The following CCSER2 variants were observed in gnomAD, a reference collection of about 807,000 sequenced individuals.
The protein encoded by CCSER2 is coiled-coil serine rich protein 2.
CCSER2 carries 46 observed loss-of-function variants against 92.3 expected under a neutral mutation model. The observed-to-expected ratio is 0.50, with a 90% CI of 0.39 to 0.64. The LOEUF is 0.64. Ranked by LOEUF, CCSER2 falls within the 30% of genes least tolerant of loss-of-function variation. The pLI is 0.00. For synonymous variants in CCSER2, 433 were observed against 431.4 expected, an observed-to-expected ratio of 1.00 and a Z score of -0.04; for missense variants, 1,244 against 1,238.9, an observed-to-expected ratio of 1.00 and a Z score of -0.06.
chr10:84,506,825 A>C (rs1039957837), intron 9 of CCSER2, among the ~76,000 whole-genome samples: 1 of 151,880 alleles, frequency 6.6e-6, no homozygotes, highest in Admixed American at 6.6e-5. Flanking sequence ...ATAAATAAAT[A>C]AATCTAACAC....
intron 5 of CCSER2, among the ~76,000 whole-genome samples, chr10:84,427,580 T>C (rs906064643): frequency 6.6e-6 from 1 of 152,190 alleles, no homozygotes; most frequent in South Asian, 2.1e-4. Context: ...TATAGGATCA[T>C]GCCTTATCCG....
Position 84,370,989 on chromosome 10 carries a change from A to G in CCSER2, c.-39-25A>G, listed in dbSNP as rs1846031225. On this transcript the variant is annotated intron_variant, in intron 1 of 9. Transcript: ENST00000372088. The stretch of plus-strand genomic sequence containing the variant: ...AATTATCCTTATTTAGGAATGTTTA[A>G]TGTACTTCTTTTTTCTCTTCACAGA... 5.9e-6 allele frequency: 6 copies of G among 1,021,690 alleles called. No homozygotes were observed. The African/African-American group carries it at 6.5e-5, about 11-fold the overall frequency. 63.3% of individuals were successfully genotyped at this position (1,021,690 alleles called of 1,614,324 possible).
At chr10:84,465,663 C>T (rs1846376123) in intron 7 of CCSER2, among the ~76,000 whole-genome samples, 1 of 152,080 alleles carries the variant, frequency 6.6e-6, no homozygotes, top group Admixed American at 6.6e-5. Context: ...TTAATTCCAA[C>T]ATTTTTACAC....
intron 4 of CCSER2, among the ~76,000 whole-genome samples, chr10:84,422,935 A>G (rs535464152): frequency 6.6e-6 from 1 of 152,078 alleles, no homozygotes; most frequent in East Asian, 1.9e-4. Context: ...TGTGCATGTA[A>G]TCTCAGTTAC....
chr10:84,355,002 A>G (rs1249320792), intron 1 of CCSER2, among the ~76,000 whole-genome samples: 1 of 151,940 alleles, frequency 6.6e-6, no homozygotes, highest in East Asian at 1.9e-4. Flanking sequence ...TATTGTGACA[A>G]AAATTCTTTA....
At chr10:84,381,217 CAA>C (rs946702149) in intron 3 of CCSER2, among the ~76,000 whole-genome samples, 23 of 152,254 alleles carry the variant, frequency 1.5e-4, no homozygotes, top group African/African-American at 3.6e-4. Context: ...AGGGATATAA[CAA>C]GAGCTCAGCA....
intron 3 of CCSER2, among the ~76,000 whole-genome samples, chr10:84,377,055 A>G (rs1564613289): frequency 6.6e-6 from 1 of 152,082 alleles, no homozygotes; most frequent in African/African-American, 2.4e-5. Context: ...TTTGACATAA[A>G]TATTTATTTT....
intron 3 of CCSER2, among the ~76,000 whole-genome samples, chr10:84,377,763 T>C (rs1296931704): frequency 6.6e-6 from 1 of 152,226 alleles, no homozygotes; most frequent in Non-Finnish European, 1.5e-5. Context: ...CCTCCATTAA[T>C]TTCAGACTTT....
At chr10:84,362,811 G>GTATTTTATTT (rs1351693863) in intron 1 of CCSER2, among the ~76,000 whole-genome samples, 16 of 151,720 alleles carry the variant, frequency 1.1e-4, no homozygotes, top group African/African-American at 3.6e-4. Flanking sequence ...TATTTAATTG[G>GTATTTTATTT]TATTTTATTT....
intron 3 of CCSER2, among the ~76,000 whole-genome samples, chr10:84,381,501 G>C (rs1008693880): frequency 3.3e-5 from 5 of 152,160 alleles, no homozygotes; most frequent in Non-Finnish European, 5.9e-5. Context: ...TGCCTAAACT[G>C]TTTGCACAGA....
chr10:84,509,454 T>C (rs552362071), intron 9 of CCSER2, among the ~76,000 whole-genome samples: 1 of 152,326 alleles, frequency 6.6e-6, no homozygotes, highest in South Asian at 2.1e-4. Context: ...CAGCCTAAAA[T>C]AGACATTTAC....
chr10:84,417,390 A>G (rs771231621), intron 3 of CCSER2, among the ~76,000 whole-genome samples: 20 of 152,246 alleles, frequency 1.3e-4, no homozygotes, highest in Non-Finnish European at 2.8e-4. Flanking sequence ...TAAGTGGTCC[A>G]ATCCCTGGAA....
At chr10:84,439,936 G>A (rs1844422797) in intron 6 of CCSER2, among the ~76,000 whole-genome samples, 1 of 152,174 alleles carries the variant, frequency 6.6e-6, no homozygotes, top group African/African-American at 2.4e-5. Flanking sequence ...AGAGGTGGTA[G>A]GGAATGGTGG....
intron 9 of CCSER2, among the ~76,000 whole-genome samples, chr10:84,500,676 G>C (rs905886299): frequency 2.0e-5 from 3 of 152,050 alleles, no homozygotes; most frequent in Non-Finnish European, 4.4e-5. Context: ...TGGTAAGTTG[G>C]TTATATTTTA....
chr10:84,396,052 T>C (rs937287613), intron 3 of CCSER2, among the ~76,000 whole-genome samples: 1 of 152,128 alleles, frequency 6.6e-6, no homozygotes, highest in Non-Finnish European at 1.5e-5. Context: ...GACCAAGAGC[T>C]CACACGGATA....
chr10:84,397,082 A>G (rs183440623), intron 3 of CCSER2, among the ~76,000 whole-genome samples: 32 of 152,334 alleles, frequency 2.1e-4, no homozygotes, highest in African/African-American at 7.5e-4. Context: ...ACTTCTGCAT[A>G]TAAAAGTGCT....
chr10:84,432,949 T>G (rs1375223773), intron 5 of CCSER2, among the ~76,000 whole-genome samples: 10 of 152,218 alleles, frequency 6.6e-5, no homozygotes, highest in Non-Finnish European at 1.5e-4. Flanking sequence ...CTAGTCTCAT[T>G]TGTTGAAAAG....
intron 5 of CCSER2, among the ~76,000 whole-genome samples, chr10:84,428,785 A>G (rs1339444242): frequency 6.6e-6 from 1 of 152,110 alleles, no homozygotes; most frequent in East Asian, 1.9e-4. Flanking sequence ...CCTTCCATTC[A>G]TGGATAGTTG....
rs745781981 is a variant in CCSER2, at chr10:84,438,568, C to G, written c.1925C>G (p.Pro642Arg). ...LGHFESYGGM[P>R]FFQAQKMFVD... Reference sequence around the variant, plus strand: ...CATTTTGAAAGCTATGGAGGGATGCCCTTTTTCCAGGCTCAGAAGATGTTT... The same window carrying G: ...CATTTTGAAAGCTATGGAGGGATGCGCTTTTTCCAGGCTCAGAAGATGTTT... Residue 642 changes from proline (P) to arginine (R), a missense_variant, in exon 6 of 10, where the codon CCC becomes CGC. By Grantham distance (103) the Pro-to-Arg change is moderately radical (BLOSUM62 -2). Transcript: ENST00000372088. 3.1e-6 allele frequency: 5 copies of G among 1,613,640 alleles called. No homozygotes were observed. The South Asian group carries it at 4.4e-5, about 14-fold the overall frequency.
Sources: gnomAD v4.1 joint callset for allele counts (sites outside exome capture counted in the v4.1 genomes callset) on GRCh38, gnomAD v4.1.1 for gene constraint, MANE v1.5 for transcripts, NCBI Gene and HGNC (gene_info 2026-07-23, HGNC 2026-07-21) for gene names.